PXDN: variants seen among roughly 807,000 people sequenced by gnomAD.
The protein encoded by PXDN is peroxidasin homolog.
In PXDN, 77 loss-of-function variants were observed where a neutral mutation model predicts 140.3. The observed-to-expected ratio is 0.55, with a 90% CI of 0.46 to 0.66. The LOEUF (loss-of-function observed/expected upper bound fraction) is 0.66. Ranked by LOEUF, PXDN falls within the 30% of genes least tolerant of loss-of-function variation. The pLI is 0.00. For synonymous variants in PXDN, 911 were observed against 857.4 expected, an observed-to-expected ratio of 1.06 and a Z score of -1.09; for missense variants, 1,838 against 2,039.5, an observed-to-expected ratio of 0.90 and a Z score of 1.90.
chr2:1,635,341 G>A, intron 22 of PXDN, 67 bp downstream of exon 22: 1 of 1,373,050 alleles, frequency 7.3e-7, no homozygotes, highest in South Asian at 1.2e-5. Flanking sequence ...ACCCACCTGA[G>A]TGGTCACATG....
In PXDN at chr2:1,648,875, G is replaced by A; in HGVS notation, c.2905C>T (p.Pro969Ser). ...CMRDENESPI[P>S]CFLAGDHRAN... is the part of the protein sequence containing the mutation. ...CGGTGGTCCCCGGCCAGGAAGCAGG[G>A]GATGGGGCTCTCGTTCTCGTCCCGC... Residue 969 changes from proline (P) to serine (S), a missense_variant, in exon 17 of 23, where the codon CCC (proline) becomes TCC (serine). Pro to Ser is a moderately conservative substitution (Grantham distance 74). This residue lies in a region of PXDN where 850 missense variants were observed against 894.1 expected (regional missense o/e 0.95). Coordinates refer to ENST00000252804, the MANE Select transcript of PXDN (RefSeq NM_012293.3). The surrounding 1 kb of genome is among the most constrained non-coding windows in gnomAD (Gnocchi z 8.9). 1.2e-6 allele frequency: 2 copies of A among 1,602,626 alleles called. No individual in the cohort carries two copies. The highest frequency in any genetic ancestry group is 4.5e-5 in the East Asian group (2 of 44,678).
At position 1,649,290 on chromosome 2, in the gene PXDN, G is replaced by C; in HGVS notation, c.2490C>G (p.Asp830Glu). Residue 830 changes from aspartate (D) to glutamate (E), a missense_variant, in exon 17 of 23, where the codon GAC (aspartate) becomes GAG (glutamate). Around this residue, in one of 5 missense-constraint regions of PXDN, gnomAD observed 12 missense variants for 34.2 expected, o/e 0.35. Transcript: ENST00000252804. This position sits in a 1 kb window ranked among gnomAD's most constrained non-coding sequence, Gnocchi z 7.1. ...QWGQFLDHDL[D>E]STVVALSQAR... ...CCTGGCTCAGGGCCACCACCGTGGA[G>C]TCGAGGTCGTGGTCCAGGAACTGGC... 6.2e-7 allele frequency: 1 copy of C among 1,613,590 alleles called. No individual in the cohort carries two copies. The highest frequency in any genetic ancestry group is 1.1e-5 in the South Asian group (1 of 91,042).
chr2:1,695,335 C>A (rs1481318883), intron 1 of PXDN, among the ~76,000 whole-genome samples: 1 of 150,844 alleles, frequency 6.6e-6, no homozygotes, highest in African/African-American at 2.4e-5. Flanking sequence ...GAGGTGCTGT[C>A]CCATCCACAA....
chr2:1,698,724 T>G (rs552566039), intron 1 of PXDN, among the ~76,000 whole-genome samples: 3 of 152,286 alleles, frequency 2.0e-5, no homozygotes, highest in South Asian at 2.1e-4. Flanking sequence ...ACTCTTCCAC[T>G]TACATTCAAG....
chr2:1,657,701 C>A (rs1683178466), intron 14 of PXDN, among the ~76,000 whole-genome samples: 1 of 140,612 alleles, frequency 7.1e-6, no homozygotes, highest in South Asian at 2.5e-4. Context: ...GTGAAACCTT[C>A]CCCCTCCTGA....
At chr2:1,640,678 C>G (rs1682704868) in intron 19 of PXDN, among the ~76,000 whole-genome samples, 1 of 152,228 alleles carries the variant, frequency 6.6e-6, no homozygotes, top group South Asian at 2.1e-4. Flanking sequence ...AACTCCTGGG[C>G]ACACAAATAC....
rs12475392 is a variant in PXDN at position 1,663,538 on chromosome 2, G to A, written c.1567+67C>T. 1,116,611 of 1,573,748 alleles carry A rather than the reference G, an allele frequency of 0.71. 401,504 individuals carry two copies. The highest frequency in any genetic ancestry group is 0.98 in the East Asian group (43,583 of 44,412). On this transcript the variant is annotated intron_variant, in intron 12 of 22. Transcript: ENST00000252804. ...GAAGAGTAACACTAATGTCAGCTGC[G>A]GAATTCTGTGTTTCCTGATAACCGA...
chr2:1,715,666 C>A lies in PXDN; in HGVS notation c.201-22532G>T, dbSNP rs1370557624. Among the ~76,000 whole-genome samples, 3 of 152,122 alleles carry A rather than the reference C, an allele frequency of 2.0e-5. 1 individual carries two copies. Among genetic ancestry groups the A allele is most frequent in the African/African-American group, 7.2e-5 (3 of 41,434 alleles). ...GTCTCCAGCCCTGGCTTGCAGCAGC[C>A]GAACAAGCTGCAGATGGAAACAGCC... On this transcript the variant is annotated intron_variant, in intron 1 of 22. Coordinates refer to ENST00000252804, the MANE Select transcript of PXDN (RefSeq NM_012293.3).
At chr2:1,673,953 C>T in intron 8 of PXDN, 141 bp from the exon 9 acceptor site, 1 of 839,194 alleles carries the variant, frequency 1.2e-6, no homozygotes, top group Non-Finnish European at 1.9e-6. Context: ...CTCCTCCTTC[C>T]TGGCAGCCCT....
At chr2:1,683,508 G>A in intron 6 of PXDN, 148 bp downstream of exon 6, 1 of 767,310 alleles carries the variant, frequency 1.3e-6, no homozygotes, top group South Asian at 2.2e-5. Flanking sequence ...GCTCTCTAAT[G>A]GATTCAATCC....
intron 18 of PXDN, among the ~76,000 whole-genome samples, 186 bp downstream of exon 18, chr2:1,644,432 T>A (rs1374508510): frequency 6.6e-6 from 1 of 152,170 alleles, no homozygotes; most frequent in Non-Finnish European, 1.5e-5. Context: ...TGCAAGGACA[T>A]GTAAGCCCAA....
At position 1,648,638 on chromosome 2, in the gene PXDN, C is replaced by G. The variant is rs61735716; in HGVS notation, c.3142G>C (p.Gly1048Arg). 1 of 1,610,850 alleles carries G rather than the reference C, an allele frequency of 6.2e-7. No homozygotes were observed. Among genetic ancestry groups the G allele is most frequent in the Non-Finnish European group, 8.5e-7 (1 of 1,178,952 alleles). Reference sequence around the variant, plus strand: ...CCGGGGTCGTAGCCGTGGTACTCTCCCAGCGTCCTCATGCCCACCTCCCCC... The same window carrying G: ...CCGGGGTCGTAGCCGTGGTACTCTCGCAGCGTCCTCATGCCCACCTCCCCC... Reference protein sequence around the residue: ...ILGEVGMRTLGEYHGYDPGIN... With the variant: ...ILGEVGMRTLREYHGYDPGIN... The change falls in exon 17 of 23, where the codon GGA (glycine) becomes CGA (arginine). Residue 1048 changes from glycine to arginine, a missense_variant. Gly to Arg is a moderately radical substitution (Grantham distance 125). Around this residue, in one of 5 missense-constraint regions of PXDN, gnomAD observed 850 missense variants for 894.1 expected, o/e 0.95. Coordinates refer to ENST00000252804, the MANE Select transcript of PXDN (RefSeq NM_012293.3). The surrounding 1 kb of genome is among the most constrained non-coding windows in gnomAD (Gnocchi z 8.9).
At chr2:1,711,907 G>A (rs1684795862) in intron 1 of PXDN, among the ~76,000 whole-genome samples, 1 of 152,212 alleles carries the variant, frequency 6.6e-6, no homozygotes, top group Non-Finnish European at 1.5e-5. Context: ...GCTGACCCAG[G>A]AGGTCCTCCT....
chr2:1,650,626 GC>G (rs1386760274), intron 16 of PXDN, among the ~76,000 whole-genome samples: 17 of 151,958 alleles, frequency 1.1e-4, no homozygotes, highest in Admixed American at 1.1e-3. Flanking sequence ...TACATCCTAG[GC>G]CTTCACCTTC....
intron 1 of PXDN, among the ~76,000 whole-genome samples, chr2:1,740,370 C>G (rs1311744798): frequency 6.6e-6 from 1 of 152,150 alleles, no homozygotes; most frequent in East Asian, 1.9e-4. Flanking sequence ...AACCTCGGGA[C>G]CCATGTGACT....
rs1406785893 is a variant in PXDN at position 1,656,420 on chromosome 2, T to C, written c.1838-1912A>G. On this transcript the variant is annotated intron_variant, in intron 14 of 22. Coordinates refer to ENST00000252804, the MANE Select transcript of PXDN (RefSeq NM_012293.3). ...ACATACGCAATCTTTTGACAGACGCTGACACAGCCCAACACACCCTTACAA... is the reference window on the plus strand; with the variant it reads ...ACATACGCAATCTTTTGACAGACGCCGACACAGCCCAACACACCCTTACAA... Among the ~76,000 whole-genome samples the C allele has an allele frequency of 3.3e-5, 5 of 152,366 alleles. No homozygotes were observed. The East Asian group carries it at 9.7e-4, about 29-fold the overall frequency.
rs762210088 is a variant in PXDN at position 1,693,127 on chromosome 2, G to A, written c.208C>T (p.Arg70Cys). ...TGGATCTCTCTGATTCTGTTAAAGC[G>A]AAGATCTCTGTGAAGAAACAAGAAA... is the stretch of plus-strand genomic sequence containing the variant. ...VAPQTSILDL[R>C]FNRIREIQPG... is the part of the protein sequence containing the mutation. Residue 70 changes from arginine to cysteine, a missense_variant, in exon 2 of 23, where the codon CGC becomes TGC. By Grantham distance (180) the Arg-to-Cys change is radical (BLOSUM62 -3). Coordinates refer to ENST00000252804, the MANE Select transcript of PXDN (RefSeq NM_012293.3). The A allele has an allele frequency of 9.0e-6, 14 of 1,553,082 alleles. No individual in the cohort carries two copies. Among genetic ancestry groups the A allele is most frequent in the Admixed American group, 7.8e-5 (4 of 51,182 alleles).
At position 1,676,689 on chromosome 2, in the gene PXDN, G is replaced by A. The variant is rs756456864; in HGVS notation, c.848+238C>T. On this transcript the variant is annotated intron_variant, in intron 8 of 22. Coordinates refer to ENST00000252804, the MANE Select transcript of PXDN (RefSeq NM_012293.3). Reference sequence around the variant, plus strand: ...CCGCAGTGACGCGTTGCCCAGCCAGGGCACCCCTGTGCTGCCCAGGAGAGA... The same window carrying A: ...CCGCAGTGACGCGTTGCCCAGCCAGAGCACCCCTGTGCTGCCCAGGAGAGA... 8 of 546,096 alleles carry A rather than the reference G, an allele frequency of 1.5e-5. No individual in the cohort carries two copies. The East Asian group carries it at 1.8e-4, about 12-fold the overall frequency. 33.8% of individuals were successfully genotyped at this position (546,096 alleles called of 1,614,324 possible).
intron 1 of PXDN, among the ~76,000 whole-genome samples, chr2:1,732,240 GAGGCC>G (rs1685328957): frequency 6.6e-6 from 1 of 152,138 alleles, no homozygotes; most frequent in Non-Finnish European, 1.5e-5. Context: ...AGAACCCGGG[GAGGCC>G]AGGCAGCAGA....
Sources: allele counts gnomAD v4.1 joint callset (sites outside exome capture counted in the v4.1 genomes callset), GRCh38; gene constraint gnomAD v4.1.1; regional missense constraint gnomAD v4.1.1; non-coding constraint Gnocchi (gnomAD v3.1); transcripts MANE v1.5; gene names NCBI Gene and HGNC (gene_info 2026-07-23, HGNC 2026-07-21).